DOCK10: variants seen among roughly 807,000 people sequenced by gnomAD.
DOCK10 encodes dedicator of cytokinesis 10.
DOCK10 carries 145 observed loss-of-function variants against 280.1 expected under a neutral mutation model. That is an observed-to-expected ratio of 0.52 (90% CI 0.45 to 0.59). The LOEUF (loss-of-function observed/expected upper bound fraction) is 0.59, where lower values mean the gene tolerates loss of function less well. DOCK10 is among the 20% of genes least tolerant of loss of function. The pLI is 0.00. For missense variants in DOCK10, 2,368 were observed against 2,651.7 expected (o/e 0.89, Z 2.35); for synonymous variants, 915 against 942.2 (o/e 0.97, Z 0.53).
intron 27 of DOCK10, among the ~76,000 whole-genome samples, chr2:224,827,572 A>C (rs939674160): frequency 1.3e-5 from 2 of 152,206 alleles, no homozygotes; most frequent in African/African-American, 4.8e-5. Context: ...CTCTTCTTAC[A>C]GATGAGAAAA....
At chr2:224,814,485 C>A in intron 30 of DOCK10, 121 bp from the exon 31 acceptor site, 1 of 462,344 alleles carries the variant, frequency 2.2e-6, no homozygotes, top group Non-Finnish European at 3.6e-6. Context: ...TGTGAGTCTT[C>A]AGTATTGCCA....
chr2:224,767,012 C>A (rs1690112619), intron 55 of DOCK10, among the ~76,000 whole-genome samples: 1 of 152,186 alleles, frequency 6.6e-6, no homozygotes, highest in Non-Finnish European at 1.5e-5. Context: ...TAATACTTTT[C>A]TAGACACTTT....
chr2:224,797,769 T>C, intron 42 of DOCK10, 63 bp downstream of exon 42: 1 of 1,545,560 alleles, frequency 6.5e-7, no homozygotes, highest in Non-Finnish European at 8.8e-7. Context: ...TTCCTATAGG[T>C]TTACTATTCT....
intron 41 of DOCK10, among the ~76,000 whole-genome samples, chr2:224,798,498 G>A (rs538923445): frequency 6.6e-6 from 1 of 152,226 alleles, no homozygotes; most frequent in East Asian, 1.9e-4. Flanking sequence ...ACATTTTCAT[G>A]GCCCAATAAG....
chr2:224,931,601 T>C lies in DOCK10; in HGVS notation c.191A>G (p.Tyr64Cys). The change falls in exon 2 of 56, where the codon TAC (tyrosine) becomes TGC (cysteine). Residue 64 changes from tyrosine to cysteine, a missense_variant. By Grantham distance (194) the Tyr-to-Cys change is radical. This residue lies in a region of DOCK10 where 1,209 missense variants were observed against 1,250.9 expected (regional missense o/e 0.97). Transcript: ENST00000258390. ...ETVIEELEKTYRNDPLQDLLF... is the reference protein window; with the variant it reads ...ETVIEELEKTCRNDPLQDLLF... ...GAGATCTTGAAGAGGATCATTCCGG[T>C]AGGTCTTTTCAAGTTCTTCAATGAC... is the stretch of plus-strand genomic sequence containing the variant. The C allele has an allele frequency of 6.2e-7, 1 of 1,612,162 alleles. No homozygotes were observed. The highest frequency in any genetic ancestry group is 8.5e-7 in the Non-Finnish European group (1 of 1,179,122).
At chr2:224,810,446 CAATATTGTATATTT>C (rs906047672) in intron 31 of DOCK10, among the ~76,000 whole-genome samples, 4 of 151,936 alleles carry the variant, frequency 2.6e-5, no homozygotes, top group African/African-American at 9.7e-5. Flanking sequence ...GTTAATAATA[CAATATTGTATATTT>C]GAAATCTATT....
chr2:224,958,915 A>G (rs565346427), intron 1 of DOCK10, among the ~76,000 whole-genome samples: 5 of 152,230 alleles, frequency 3.3e-5, no homozygotes, highest in African/African-American at 7.2e-5. Context: ...GGCCACGGAA[A>G]GGTATTAAAG....
Position 224,841,807 on chromosome 2 carries a change from A to G in DOCK10, c.2658T>C (p.Cys886=). ...QSPTSNFIRS[C]KNLLNVEKIH... is the part of the protein sequence containing the mutation. ...AACTGCTTGCATGTCATGTTACCTT[A>G]CAAGAGCGGATGAAATTTGAGGTAG... Residue 886 remains cysteine (C), a synonymous_variant, in exon 23 of 56, where the codon TGT becomes TGC. Coordinates refer to ENST00000258390, the MANE Select transcript of DOCK10 (RefSeq NM_014689.3). The G allele has an allele frequency of 6.2e-7, 1 of 1,606,942 alleles. No individual in the cohort carries two copies. The highest frequency in any genetic ancestry group is 1.3e-5 in the African/African-American group (1 of 74,904).
In DOCK10 at chr2:224,924,094, G is replaced by A. The variant is rs141364449; in HGVS notation, c.244-7310C>T. On this transcript the variant is annotated intron_variant, in intron 2 of 55. Transcript: ENST00000258390. The stretch of plus-strand genomic sequence containing the variant: ...ATTCCTTTTAAAGAATAAAGTGCTC[G>A]TATCTACATATATGCTTTCATGATT... 2.2e-3 allele frequency among the ~76,000 whole-genome samples: 328 copies of A among 152,190 alleles called. 3 individuals are homozygous for A. The highest frequency in any genetic ancestry group is 3.4e-3 in the Non-Finnish European group (231 of 68,022).
chr2:224,838,173 AG>A (rs1283279395), intron 24 of DOCK10, among the ~76,000 whole-genome samples: 1 of 152,220 alleles, frequency 6.6e-6, no homozygotes, highest in Non-Finnish European at 1.5e-5. Flanking sequence ...TTTTTGCAAA[AG>A]GGATTATTTT....
chr2:225,014,554 G>A (rs917266397), intron 1 of DOCK10, among the ~76,000 whole-genome samples: 3 of 151,948 alleles, frequency 2.0e-5, no homozygotes, highest in Non-Finnish European at 2.9e-5. Context: ...AGTTTGAAAT[G>A]TCTACTAATC....
intron 1 of DOCK10, among the ~76,000 whole-genome samples, chr2:225,039,388 T>C (rs1310126430): frequency 6.6e-6 from 1 of 152,218 alleles, no homozygotes; most frequent in East Asian, 1.9e-4. Flanking sequence ...TTATTTTCTA[T>C]GGGGAATTTT....
chr2:224,831,143 C>T (rs1316347823), intron 26 of DOCK10, among the ~76,000 whole-genome samples: 2 of 151,992 alleles, frequency 1.3e-5, no homozygotes, highest in African/African-American at 2.4e-5. Context: ...CCATGGTGCC[C>T]AGGCTGGTCT....
At chr2:224,846,017 C>G (rs1696328263) in intron 19 of DOCK10, among the ~76,000 whole-genome samples, 1 of 152,234 alleles carries the variant, frequency 6.6e-6, no homozygotes. Context: ...AGCCACCAAA[C>G]CAGGCCTAAA....
intron 3 of DOCK10, among the ~76,000 whole-genome samples, chr2:224,901,640 C>T (rs1217797394): frequency 1.3e-5 from 2 of 152,200 alleles, no homozygotes; most frequent in East Asian, 3.9e-4. Context: ...AAAATTCAGG[C>T]TCCTGGGTCT....
chr2:224,856,295 T>C (rs1355458148), intron 15 of DOCK10, among the ~76,000 whole-genome samples: 1 of 106,438 alleles, frequency 9.4e-6, no homozygotes, highest in Admixed American at 8.1e-5. Context: ...TTTGTAAGAG[T>C]TTTTTTTTTA....
At chr2:224,931,480 C>T (rs1702371850) in intron 2 of DOCK10, 69 bp downstream of exon 2, 3 of 1,506,630 alleles carry the variant, frequency 2.0e-6, no homozygotes, top group Non-Finnish European at 2.7e-6. Flanking sequence ...TCTGAATCTA[C>T]AGGGAAAGAC....
At chr2:224,868,624 C>CG (rs1304905190) in intron 11 of DOCK10, among the ~76,000 whole-genome samples, 6 of 152,088 alleles carry the variant, frequency 3.9e-5, no homozygotes, top group African/African-American at 7.2e-5. Flanking sequence ...CTAGTTTATA[C>CG]GGGGGGGACA....
At chr2:225,000,209 C>G (rs922494282) in intron 1 of DOCK10, among the ~76,000 whole-genome samples, 2 of 112,618 alleles carry the variant, frequency 1.8e-5, no homozygotes, top group Non-Finnish European at 2.1e-5. Context: ...CACACAGACA[C>G]ACACACACAC....
Sources: allele counts gnomAD v4.1 joint callset (sites outside exome capture counted in the v4.1 genomes callset), GRCh38; gene constraint gnomAD v4.1.1; regional missense constraint gnomAD v4.1.1; transcripts MANE v1.5; gene names NCBI Gene and HGNC (gene_info 2026-07-23, HGNC 2026-07-21).